The following AGAP1 variants were observed in gnomAD, a reference collection of about 807,000 sequenced individuals.
AGAP1 encodes arf-GAP with GTPase, ANK repeat and PH domain-containing protein 1.
AGAP1 carries 29 observed loss-of-function variants against 105.3 expected under a neutral mutation model. That is an observed-to-expected ratio of 0.28 (90% confidence interval 0.21 to 0.38). The LOEUF (loss-of-function observed/expected upper bound fraction) is 0.38, where lower values mean the gene tolerates loss of function less well. AGAP1 is among the 10% of genes least tolerant of loss of function. The pLI is 1.00. For missense variants in AGAP1, 998 were observed against 1,165.1 expected (o/e 0.86, Z 2.09); for synonymous variants, 509 against 485.9 (o/e 1.05, Z -0.63).
In AGAP1 at chr2:235,843,303, T is replaced by G. The variant is rs1317598463; in HGVS notation, c.1050+35972T>G. On this transcript the variant is annotated intron_variant, in intron 9 of 17. Coordinates refer to ENST00000304032, the MANE Select transcript of AGAP1 (RefSeq NM_001037131.3). The surrounding 1 kb of genome is among the most constrained non-coding windows in gnomAD (Gnocchi z 5.9). ...CTCACTGCTTGCTGCCTCCCCTTTC[T>G]CACCCACACAATTCTTTCCTTCCCT... Among the ~76,000 whole-genome samples the G allele has an allele frequency of 6.6e-6, 1 of 152,122 alleles. No homozygotes were observed. Among genetic ancestry groups the G allele is most frequent in the Non-Finnish European group, 1.5e-5 (1 of 68,016 alleles).
At chr2:235,536,016 T>C (rs1943203950) in intron 1 of AGAP1, among the ~76,000 whole-genome samples, 1 of 151,962 alleles carries the variant, frequency 6.6e-6, no homozygotes, top group African/African-American at 2.4e-5. Flanking sequence ...TAAGTTGTCT[T>C]TCAGTTCCCC....
At chr2:235,683,226 A>G (rs938739277) in intron 1 of AGAP1, among the ~76,000 whole-genome samples, 1 of 152,058 alleles carries the variant, frequency 6.6e-6, no homozygotes, top group Admixed American at 6.6e-5. Flanking sequence ...GAATCACCTG[A>G]ATTCGGGAGG....
chr2:235,623,271 G>A lies in AGAP1; in HGVS notation c.164-85908G>A, dbSNP rs1004657228. On this transcript the variant is annotated intron_variant, in intron 1 of 17. Transcript: ENST00000304032. The surrounding 1 kb of genome is among the most constrained non-coding windows in gnomAD (Gnocchi z 4.5). ...GCAGGCTGACCTCTGCTTGTTGATC[G>A]TATTACAGCATGTTGGGCATGTCAA... is the stretch of plus-strand genomic sequence containing the variant. 6.6e-6 allele frequency among the ~76,000 whole-genome samples: 1 copy of A among 152,102 alleles called. No individual in the cohort carries two copies. Among genetic ancestry groups the A allele is most frequent in the Admixed American group, 6.5e-5 (1 of 15,278 alleles).
In AGAP1 at chr2:235,556,752, A is replaced by G. The variant is rs1355293267; in HGVS notation, c.163+61903A>G. Among the ~76,000 whole-genome samples, 7 of 152,224 alleles carry G rather than the reference A, an allele frequency of 4.6e-5. No individual in the cohort carries two copies. In the East Asian group the frequency reaches 1.3e-3, roughly 29 times the overall value. On this transcript the variant is annotated intron_variant, in intron 1 of 17. Coordinates refer to ENST00000304032, the MANE Select transcript of AGAP1 (RefSeq NM_001037131.3). The surrounding 1 kb of genome is among the most constrained non-coding windows in gnomAD (Gnocchi z 5.3). The stretch of plus-strand genomic sequence containing the variant: ...GTAAGATGAATATTAAACTTTTCAG[A>G]CTGTAAGATCGTGAATCTGAAAGTC...
chr2:236,041,565 G>GGGA (rs2057550151), intron 15 of AGAP1, among the ~76,000 whole-genome samples: 1 of 152,126 alleles, frequency 6.6e-6, no homozygotes, highest in Non-Finnish European at 1.5e-5. Flanking sequence ...CTTGAGAGTA[G>GGGA]GGACTTATTT....
rs969186171 is a variant in AGAP1 at position 235,988,838 on chromosome 2, T to C, written c.1645+20215T>C. Among the ~76,000 whole-genome samples the C allele has an allele frequency of 6.6e-6, 1 of 152,176 alleles. No homozygotes were observed. The highest frequency in any genetic ancestry group is 1.5e-5 in the Non-Finnish European group (1 of 68,028). On this transcript the variant is annotated intron_variant, in intron 13 of 17. Coordinates refer to ENST00000304032, the MANE Select transcript of AGAP1 (RefSeq NM_001037131.3). This position sits in a 1 kb window ranked among gnomAD's most constrained non-coding sequence, Gnocchi z 4.7. ...GTGTTTCCCAGACTGGGCGTCACTG[T>C]CGCCTCCTTGACTCTCATCACTCAC...
chr2:235,880,224 G>A (rs2049942474), intron 9 of AGAP1, among the ~76,000 whole-genome samples: 1 of 152,034 alleles, frequency 6.6e-6, no homozygotes, highest in South Asian at 2.1e-4. Context: ...GCCTTCACTG[G>A]GGGCAGGACA....
chr2:235,558,748 C>A (rs890332238), intron 1 of AGAP1, among the ~76,000 whole-genome samples: 4 of 152,182 alleles, frequency 2.6e-5, no homozygotes, highest in Non-Finnish European at 5.9e-5. Context: ...CAGCAACTTA[C>A]AATAATGCCG....
In AGAP1 at chr2:235,882,737, A is replaced by C. The variant is rs2106626140; in HGVS notation, c.1051-608A>C. 6.6e-6 allele frequency among the ~76,000 whole-genome samples: 1 copy of C among 152,260 alleles called. No individual in the cohort carries two copies. Among genetic ancestry groups the C allele is most frequent in the Middle Eastern group, 3.4e-3 (1 of 294 alleles). ...TGATCTGCCCACCTCGGCCTCCCAA[A>C]GTTCTGGGATTACAGGCGTGAGCCA... On this transcript the variant is annotated intron_variant, in intron 9 of 17. Transcript: ENST00000304032. This position sits in a 1 kb window ranked among gnomAD's most constrained non-coding sequence, Gnocchi z 4.6.
In AGAP1 at chr2:235,882,317, A is replaced by G. The variant is rs13387477; in HGVS notation, c.1051-1028A>G. 9.7e-3 allele frequency: 8,372 copies of G among 863,344 alleles called. 356 individuals carry two copies. The African/African-American group carries it at 0.099, about 10-fold the overall frequency. The allele number at this position is 863,344 out of a possible 1,614,324, so 53.5% of individuals were successfully genotyped here. Reference sequence around the variant, plus strand: ...GCAGGTCGCTCTTCCTCCACATCACAACTGGGGTCTTAAGGATGACGAGGG... The same window carrying G: ...GCAGGTCGCTCTTCCTCCACATCACGACTGGGGTCTTAAGGATGACGAGGG... On this transcript the variant is annotated intron_variant, in intron 9 of 17. Transcript: ENST00000304032. This position sits in a 1 kb window ranked among gnomAD's most constrained non-coding sequence, Gnocchi z 4.6.
chr2:235,917,186 G>GC (rs2051932993), intron 11 of AGAP1, among the ~76,000 whole-genome samples: 1 of 151,772 alleles, frequency 6.6e-6, no homozygotes, highest in Non-Finnish European at 1.5e-5. Context: ...CCTACTTGAG[G>GC]CCCCCAGCGG....
At chr2:236,060,125 T>G (rs1161381431) in intron 16 of AGAP1, among the ~76,000 whole-genome samples, 1 of 152,068 alleles carries the variant, frequency 6.6e-6, no homozygotes, top group Admixed American at 6.6e-5. Flanking sequence ...AATTCCAGAT[T>G]GATCAAAGCC....
chr2:235,761,227 ATCTCT>A lies in AGAP1; in HGVS notation c.673+10743_673+10747del, dbSNP rs577919393. On this transcript the variant is annotated intron_variant, in intron 6 of 17. Transcript: ENST00000304032. ...GAATATTGTGTTAATAGAGCCTGTG[ATCTCT>A]TCTGGCAATTTCTTACCCTAAGTCT... is the stretch of plus-strand genomic sequence containing the variant. 3.9e-5 allele frequency among the ~76,000 whole-genome samples: 6 copies of A among 152,320 alleles called. No individual in the cohort carries two copies. The East Asian group carries it at 1.2e-3, about 29-fold the overall frequency.
At chr2:235,538,427 A>ATGTGGGTGTGTGTG (rs1943313202) in intron 1 of AGAP1, among the ~76,000 whole-genome samples, 1 of 135,334 alleles carries the variant, frequency 7.4e-6, no homozygotes. Context: ...CTCAGCCACT[A>ATGTGGGTGTGTGTG]TGTGTGTGTG....
chr2:235,718,041 C>A (rs756197279), intron 3 of AGAP1, among the ~76,000 whole-genome samples: 1 of 152,046 alleles, frequency 6.6e-6, no homozygotes, highest in South Asian at 2.1e-4. Context: ...AAGAGCCTTC[C>A]GGGATAAGAC....
At chr2:236,116,580 C>G (rs1470079347) in intron 16 of AGAP1, among the ~76,000 whole-genome samples, 1 of 152,026 alleles carries the variant, frequency 6.6e-6, no homozygotes, top group African/African-American at 2.4e-5. Flanking sequence ...AACTCCTGAC[C>G]TCAAGAGAAC....
At chr2:235,811,250 G>T (rs925088451) in intron 9 of AGAP1, among the ~76,000 whole-genome samples, 1 of 152,214 alleles carries the variant, frequency 6.6e-6, no homozygotes, top group African/African-American at 2.4e-5. Flanking sequence ...CCCGGCCAGA[G>T]AACCTGTCCA....
intron 16 of AGAP1, among the ~76,000 whole-genome samples, chr2:236,052,826 C>CA (rs1414540170): frequency 6.6e-6 from 1 of 152,156 alleles, no homozygotes; most frequent in Non-Finnish European, 1.5e-5. Flanking sequence ...GAAAACAGAG[C>CA]AATGCTACAA....
chr2:235,862,747 C>T (rs1575639804), intron 9 of AGAP1, among the ~76,000 whole-genome samples: 2 of 152,216 alleles, frequency 1.3e-5, no homozygotes, highest in East Asian at 3.9e-4. Context: ...ATTGCCTTCA[C>T]AGACCATATG....
Sources: gnomAD v4.1 joint callset for allele counts (sites outside exome capture counted in the v4.1 genomes callset) on GRCh38, gnomAD v4.1.1 for gene constraint, Gnocchi (gnomAD v3.1) non-coding constraint, MANE v1.5 for transcripts, NCBI Gene and HGNC (gene_info 2026-07-23, HGNC 2026-07-21) for gene names.